Variants in RBFOX1 observed in about 807,000 individuals in gnomAD.
The protein encoded by RBFOX1 is RNA binding protein fox-1 homolog 1.
RBFOX1 carries 8 observed loss-of-function variants against 57.7 expected under a neutral mutation model. The observed-to-expected ratio is 0.14, with a 90% CI of 0.08 to 0.25. The LOEUF (loss-of-function observed/expected upper bound fraction) is 0.25. RBFOX1 is among the 10% of genes least tolerant of loss of function. RBFOX1 has a pLI of 1.00. For synonymous variants in RBFOX1, 326 were observed against 222.4 expected (o/e 1.47, Z -4.15); for missense variants, 611 against 548.5 (o/e 1.11, Z -1.14).
At chr16:5,912,527 C>G (rs925607362) in intron 4 of RBFOX1, among the ~76,000 whole-genome samples, 17 of 152,164 alleles carry the variant, frequency 1.1e-4, no homozygotes, top group Non-Finnish European at 1.0e-4. Flanking sequence ...AGATGCATTG[C>G]ACGTTGAAAG....
At chr16:6,312,265 C>G (rs1331031963) in intron 1 of RBFOX1, among the ~76,000 whole-genome samples, 2 of 152,170 alleles carry the variant, frequency 1.3e-5, no homozygotes, top group Admixed American at 1.3e-4. Context: ...CAGGAAGAAC[C>G]AGCATTTCTG....
At chr16:6,247,094 C>G (rs138557024) in intron 1 of RBFOX1, among the ~76,000 whole-genome samples, 1 of 152,126 alleles carries the variant, frequency 6.6e-6, no homozygotes, top group Non-Finnish European at 1.5e-5. Context: ...AAAAAAAATT[C>G]TGACCACTGT....
chr16:5,343,695 C>T (rs1292372218), intron 1 of RBFOX1, among the ~76,000 whole-genome samples: 2 of 152,140 alleles, frequency 1.3e-5, no homozygotes, highest in African/African-American at 4.8e-5. Flanking sequence ...GGTGCCAGTT[C>T]TTCAAATGAA....
Position 6,999,226 on chromosome 16 carries a change from TTTA to T in RBFOX1, c.-15-52828_-15-52826del, listed in dbSNP as rs1264155668. Among the ~76,000 whole-genome samples, 79 of 81,774 alleles carry T rather than the reference TTTA, an allele frequency of 9.7e-4. 1 individual carries two copies. In the Middle Eastern group the frequency reaches 0.036, roughly 38 times the overall value. The allele number at this position is 81,774 out of a possible 152,430, so 53.6% of individuals were successfully genotyped here. A position where few individuals can be genotyped will look rare whatever the true frequency, so the allele number is the denominator to read the frequency against. Reference sequence around the variant, plus strand: ...TTTTTATTTTTATTTATTTTTTTTATTTATTTTTTTTTTTAGAGATCAGGTCTC... The same window carrying T: ...TTTTTATTTTTATTTATTTTTTTTATTTTTTTTTTTTAGAGATCAGGTCTC... On this transcript the variant is annotated intron_variant, in intron 3 of 15. Coordinates refer to ENST00000550418, the MANE Select transcript of RBFOX1 (RefSeq NM_018723.4).
At chr16:6,425,170 G>T (rs1360253221) in intron 2 of RBFOX1, among the ~76,000 whole-genome samples, 1 of 152,168 alleles carries the variant, frequency 6.6e-6, no homozygotes, top group Non-Finnish European at 1.5e-5. Context: ...TGAGTAGATA[G>T]AGGAACCAGG....
intron 1 of RBFOX1, among the ~76,000 whole-genome samples, chr16:6,165,450 A>G: frequency 6.6e-6 from 1 of 152,332 alleles, no homozygotes; most frequent in Middle Eastern, 3.4e-3. Flanking sequence ...AGCAGCACCT[A>G]GGAAGGAGCT....
intron 3 of RBFOX1, among the ~76,000 whole-genome samples, chr16:7,016,256 C>T (rs1192363065): frequency 6.6e-6 from 1 of 152,142 alleles, no homozygotes; most frequent in East Asian, 1.9e-4. Flanking sequence ...GGACCTGCCT[C>T]ATCCCCAAGA....
intron 3 of RBFOX1, among the ~76,000 whole-genome samples, chr16:6,761,638 C>G (rs747486596): frequency 1.3e-5 from 2 of 150,272 alleles, no homozygotes; most frequent in Non-Finnish European, 3.0e-5. Context: ...TCCCAAGTGG[C>G]TGGGATTACA....
chr16:5,951,705 T>C (rs13332249), intron 4 of RBFOX1, among the ~76,000 whole-genome samples: 89,450 of 151,782 alleles, frequency 0.59, 27,977 homozygotes, highest in African/African-American at 0.81. Context: ...TCTTCACAGG[T>C]AGCCACTTCC....
At chr16:6,593,878 T>C (rs2097750360) in intron 2 of RBFOX1, among the ~76,000 whole-genome samples, 1 of 152,158 alleles carries the variant, frequency 6.6e-6, no homozygotes, top group Admixed American at 6.5e-5. Flanking sequence ...AGGAAAGATG[T>C]TTAAAGTGCT....
intron 4 of RBFOX1, among the ~76,000 whole-genome samples, chr16:7,445,201 T>C (rs952571232): frequency 1.3e-5 from 2 of 152,236 alleles, no homozygotes; most frequent in East Asian, 1.9e-4. Flanking sequence ...AAAGGAAAGT[T>C]GGTAATATTA....
chr16:6,931,725 G>A (rs764334863), intron 3 of RBFOX1, among the ~76,000 whole-genome samples: 2 of 152,162 alleles, frequency 1.3e-5, no homozygotes, highest in African/African-American at 2.4e-5. Context: ...AACCCTCCCT[G>A]TTGCTTGTGC....
chr16:6,527,937 C>G lies in RBFOX1; in HGVS notation c.-63-126666C>G, dbSNP rs142337961. ...TATCCACTTTCTTCCTTTGTTGTCC[C>G]TTTTCCCATGGCATCGCTGAACCGT... On this transcript the variant is annotated intron_variant, in intron 2 of 15. Coordinates refer to ENST00000550418, the MANE Select transcript of RBFOX1 (RefSeq NM_018723.4). Among the ~76,000 whole-genome samples the G allele has an allele frequency of 9.4e-4, 143 of 152,194 alleles. No individual in the cohort carries two copies. In the Middle Eastern group the frequency reaches 0.054, roughly 58 times the overall value.
At chr16:7,702,726 G>A (rs188873464) in intron 14 of RBFOX1, among the ~76,000 whole-genome samples, 1 of 152,278 alleles carries the variant, frequency 6.6e-6, no homozygotes, top group African/African-American at 2.4e-5. Context: ...TCCAAACACA[G>A]AACACTTGGT....
At chr16:7,289,823 C>A (rs1478926076) in intron 4 of RBFOX1, among the ~76,000 whole-genome samples, 1 of 152,104 alleles carries the variant, frequency 6.6e-6, no homozygotes, top group Non-Finnish European at 1.5e-5. Context: ...AAATAAGGAT[C>A]CAAGACTCAG....
At chr16:7,284,287 C>G (rs180783916) in intron 4 of RBFOX1, among the ~76,000 whole-genome samples, 221 of 152,280 alleles carry the variant, frequency 1.5e-3, no homozygotes, top group Admixed American at 3.6e-3. Context: ...TGGGTAAATT[C>G]CTAGGAGTGG....
chr16:6,587,503 A>C (rs1260335220), intron 2 of RBFOX1, among the ~76,000 whole-genome samples: 1 of 152,030 alleles, frequency 6.6e-6, no homozygotes, highest in Non-Finnish European at 1.5e-5. Flanking sequence ...GGTGGTCTTG[A>C]ACTCCTGACC....
intron 4 of RBFOX1, among the ~76,000 whole-genome samples, chr16:7,090,525 G>A (rs931503618): frequency 6.6e-6 from 1 of 152,148 alleles, no homozygotes; most frequent in Non-Finnish European, 1.5e-5. Context: ...CAATTAAATA[G>A]TTACAGATGC....
intron 1 of RBFOX1, among the ~76,000 whole-genome samples, chr16:5,407,438 G>C (rs2066896823): frequency 6.6e-6 from 1 of 152,174 alleles, no homozygotes; most frequent in South Asian, 2.1e-4. Flanking sequence ...CCTGTGCTGG[G>C]AGGGAACTGG....
Sources: gnomAD v4.1 joint callset for allele counts (sites outside exome capture counted in the v4.1 genomes callset) on GRCh38, gnomAD v4.1.1 for gene constraint, MANE v1.5 for transcripts, NCBI Gene and HGNC (gene_info 2026-07-23, HGNC 2026-07-21) for gene names.